CAMTA1: variants seen among roughly 807,000 people sequenced by gnomAD.
CAMTA1 encodes the protein calmodulin binding transcription activator 1.
Under a neutral mutation model 170.9 loss-of-function variants are expected in CAMTA1, and 27 were observed. The ratio of observed to expected loss-of-function variants is 0.16; its 90% confidence interval spans 0.12 to 0.22. CAMTA1 has a LOEUF of 0.22. CAMTA1 is among the 10% of genes least tolerant of loss of function. The pLI, the probability that CAMTA1 is intolerant of heterozygous loss-of-function variation, is 1.00. For synonymous variants in CAMTA1, 833 were observed against 891.5 expected (o/e 0.93, Z 1.17); for missense variants, 1,619 against 2,217.2 (o/e 0.73, Z 5.42).
intron 4 of CAMTA1, among the ~76,000 whole-genome samples, chr1:7,132,958 A>G (rs148344680): frequency 3.1e-4 from 47 of 152,308 alleles, no homozygotes; most frequent in African/African-American, 1.1e-3. Context: ...CCTATGTTAC[A>G]TTATTATTTT....
chr1:7,461,336 A>G (rs1418529855), intron 5 of CAMTA1, among the ~76,000 whole-genome samples: 1 of 152,102 alleles, frequency 6.6e-6, no homozygotes, highest in Non-Finnish European at 1.5e-5. Context: ...TTTGCCAAAC[A>G]TCTCTGAACT....
intron 3 of CAMTA1, among the ~76,000 whole-genome samples, chr1:7,021,487 G>A (rs971494608): frequency 4.6e-5 from 7 of 152,148 alleles, no homozygotes; most frequent in Non-Finnish European, 1.0e-4. Context: ...TCAAACACAC[G>A]CTCTCCTGCT....
intron 4 of CAMTA1, among the ~76,000 whole-genome samples, chr1:7,176,279 C>T (rs1253510143): frequency 2.6e-5 from 4 of 152,180 alleles, no homozygotes; most frequent in Non-Finnish European, 5.9e-5. Context: ...GCAGGAGGAG[C>T]AGCGTGAAGG....
chr1:6,852,869 C>T (rs561663894), intron 3 of CAMTA1, among the ~76,000 whole-genome samples: 8 of 152,200 alleles, frequency 5.3e-5, no homozygotes, highest in Non-Finnish European at 1.2e-4. Context: ...AGCAGAGTGA[C>T]AGGGGATGAA....
intron 3 of CAMTA1, among the ~76,000 whole-genome samples, chr1:6,874,769 A>G (rs1260550480): frequency 6.6e-6 from 1 of 152,144 alleles, no homozygotes; most frequent in Non-Finnish European, 1.5e-5. Context: ...TTGGCTATGG[A>G]GGGACAAGGA....
intron 4 of CAMTA1, among the ~76,000 whole-genome samples, chr1:7,168,737 C>T (rs1573609225): frequency 6.6e-6 from 1 of 152,306 alleles, no homozygotes; most frequent in East Asian, 1.9e-4. Flanking sequence ...CACAGTAATG[C>T]AAGAACAAGA....
At chr1:7,222,683 CT>C (rs1404012270) in intron 4 of CAMTA1, among the ~76,000 whole-genome samples, 3 of 152,214 alleles carry the variant, frequency 2.0e-5, no homozygotes, top group Non-Finnish European at 4.4e-5. Flanking sequence ...GAGCTGCCTC[CT>C]GGAGCACGCT....
At chr1:7,553,092 A>G (rs1452731585) in intron 6 of CAMTA1, among the ~76,000 whole-genome samples, 2 of 152,228 alleles carry the variant, frequency 1.3e-5, no homozygotes, top group Non-Finnish European at 2.9e-5. Flanking sequence ...GGCACACATG[A>G]AGTACCTTGA....
At chr1:7,288,081 C>T (rs1672599780) in intron 5 of CAMTA1, among the ~76,000 whole-genome samples, 1 of 152,150 alleles carries the variant, frequency 6.6e-6, no homozygotes, top group Admixed American at 6.5e-5. Flanking sequence ...GGACCAGGTG[C>T]TATTATTATC....
At chr1:7,268,753 C>T (rs1669280372) in intron 5 of CAMTA1, among the ~76,000 whole-genome samples, 1 of 152,094 alleles carries the variant, frequency 6.6e-6, no homozygotes, top group Non-Finnish European at 1.5e-5. Context: ...TTCACAATGC[C>T]CTGCATTCAT....
intron 4 of CAMTA1, among the ~76,000 whole-genome samples, chr1:7,198,548 A>C (rs186858009): frequency 1.3e-5 from 2 of 151,048 alleles, no homozygotes; most frequent in South Asian, 4.2e-4. Context: ...ACCCTGAGAA[A>C]CCCCCAGGAC....
chr1:7,606,556 A>G (rs893644819), intron 6 of CAMTA1, among the ~76,000 whole-genome samples: 1 of 152,232 alleles, frequency 6.6e-6, no homozygotes, highest in Non-Finnish European at 1.5e-5. Flanking sequence ...TGAGATTTTA[A>G]GTGGCCAAAA....
chr1:6,886,707 T>C (rs1196898629), intron 3 of CAMTA1, among the ~76,000 whole-genome samples: 1 of 152,220 alleles, frequency 6.6e-6, no homozygotes, highest in Non-Finnish European at 1.5e-5. Flanking sequence ...CCCTACCACA[T>C]GCTTCCAGCT....
rs550241838 is a variant in CAMTA1, at chr1:7,325,978, C to A, written c.438+76352C>A. 7.2e-5 allele frequency among the ~76,000 whole-genome samples: 11 copies of A among 152,212 alleles called. No individual in the cohort carries two copies. Among genetic ancestry groups the A allele is most frequent in the Non-Finnish European group, 1.5e-4 (10 of 68,036 alleles). The stretch of plus-strand genomic sequence containing the variant: ...GGTTCAAGTGATTCTCATGCCTCAG[C>A]CTCCCAAGTAGCTGGGACTACAGGC... On this transcript the variant is annotated intron_variant, in intron 5 of 22. Coordinates refer to ENST00000303635, the MANE Select transcript of CAMTA1 (RefSeq NM_015215.4). The surrounding 1 kb of genome is among the most constrained non-coding windows in gnomAD (Gnocchi z 5.0).
rs987374059 is a variant in CAMTA1 at position 7,248,148 on chromosome 1, G to T, written c.303-1343G>T. Reference sequence around the variant, plus strand: ...TAGCTGCAGTCACCCTGGTGGGACTGTTTTTTTCCCCCCAGACAATAGAAT... The same window carrying T: ...TAGCTGCAGTCACCCTGGTGGGACTTTTTTTTTCCCCCCAGACAATAGAAT... On this transcript the variant is annotated intron_variant, in intron 4 of 22. Transcript: ENST00000303635. This position sits in a 1 kb window ranked among gnomAD's most constrained non-coding sequence, Gnocchi z 4.0. Among the ~76,000 whole-genome samples the T allele has an allele frequency of 6.6e-6, 1 of 152,132 alleles. No individual in the cohort carries two copies. Among genetic ancestry groups the T allele is most frequent in the Non-Finnish European group, 1.5e-5 (1 of 67,998 alleles).
At chr1:7,270,872 C>T (rs796201524) in intron 5 of CAMTA1, among the ~76,000 whole-genome samples, 5 of 152,304 alleles carry the variant, frequency 3.3e-5, no homozygotes, top group African/African-American at 1.2e-4. Flanking sequence ...GGTTTAAAAA[C>T]ACTTTCTTGA....
intron 4 of CAMTA1, among the ~76,000 whole-genome samples, chr1:7,123,602 C>T (rs1191379312): frequency 6.6e-6 from 1 of 152,196 alleles, no homozygotes; most frequent in Admixed American, 6.5e-5. Context: ...GCACATGTGG[C>T]AGTCCCTCTG....
intron 1 of CAMTA1, among the ~76,000 whole-genome samples, chr1:6,795,526 A>C (rs1642276953): frequency 6.6e-6 from 1 of 152,124 alleles, no homozygotes; most frequent in African/African-American, 2.4e-5. Context: ...ATAACACAAA[A>C]TAATTATGTG....
chr1:6,927,684 C>T (rs973065620), intron 3 of CAMTA1, among the ~76,000 whole-genome samples: 3 of 152,246 alleles, frequency 2.0e-5, no homozygotes, highest in Admixed American at 6.5e-5. Flanking sequence ...ACATGCAGGA[C>T]AGTCTAATGG....
Sources: gnomAD v4.1 joint callset for allele counts (sites outside exome capture counted in the v4.1 genomes callset) on GRCh38, gnomAD v4.1.1 for gene constraint, Gnocchi (gnomAD v3.1) non-coding constraint, MANE v1.5 for transcripts, NCBI Gene and HGNC (gene_info 2026-07-23, HGNC 2026-07-21) for gene names.